Variants in DENND5B observed in about 807,000 individuals in gnomAD.
DENND5B encodes DENN domain-containing protein 5B.
In DENND5B, 34 loss-of-function variants were observed where a neutral mutation model predicts 140.6. The observed-to-expected ratio is 0.24, with a 90% CI of 0.18 to 0.32. The LOEUF (loss-of-function observed/expected upper bound fraction) is 0.32. Ranked by LOEUF, DENND5B falls within the 10% of genes least tolerant of loss-of-function variation. The probability of loss-of-function intolerance (pLI) is 1.00; values close to 1 mark genes in which losing one functional copy is unlikely to be tolerated. For synonymous variants in DENND5B, 551 were observed against 562.1 expected, an observed-to-expected ratio of 0.98 and a Z score of 0.28; for missense variants, 1,142 against 1,560.2, an observed-to-expected ratio of 0.73 and a Z score of 4.52.
chr12:31,392,428 C>A, intron 18 of DENND5B, 35 bp from the exon 19 acceptor site: 2 of 1,607,686 alleles, frequency 1.2e-6, no homozygotes, highest in Non-Finnish European at 8.5e-7. Flanking sequence ...AAAGAAAAAT[C>A]TCCTGCATCT....
rs1565539960 is a variant in DENND5B, at chr12:31,398,065, C to T, written c.3256+110G>A. On this transcript the variant is annotated intron_variant, in intron 17 of 20. Coordinates refer to ENST00000389082, the MANE Select transcript of DENND5B (RefSeq NM_144973.4). ...ATATTTATGAATTTTCCTCAACTTT[C>T]TTCTTTTTAAAATCTCCTCACTACA... The T allele has an allele frequency of 2.9e-6, 3 of 1,042,716 alleles. No homozygotes were observed. In the African/African-American group the frequency reaches 6.7e-5, roughly 23 times the overall value. The allele number at this position is 1,042,716 out of a possible 1,614,324, so 64.6% of individuals were successfully genotyped here.
At chr12:31,482,476 A>G (rs189502260) in intron 2 of DENND5B, among the ~76,000 whole-genome samples, 1 of 152,102 alleles carries the variant, frequency 6.6e-6, no homozygotes, top group East Asian at 1.9e-4. Flanking sequence ...GTCATCTTTA[A>G]CTTCTTCCTC....
rs1021221691 is a variant in DENND5B at position 31,392,071 on chromosome 12, G to A, written c.3466+196C>T. Among the ~76,000 whole-genome samples, 6 of 151,266 alleles carry A rather than the reference G, an allele frequency of 4.0e-5. No homozygotes were observed. The East Asian group carries it at 7.8e-4, about 20-fold the overall frequency. On this transcript the variant is annotated intron_variant, in intron 19 of 20. Transcript: ENST00000389082. Reference sequence around the variant, plus strand: ...GGAGAATCATTTGAACCTGGGAGGCGGAGGTTACAGTGAGCCAAGACCGCA... The same window carrying A: ...GGAGAATCATTTGAACCTGGGAGGCAGAGGTTACAGTGAGCCAAGACCGCA...
At chr12:31,538,514 A>G (rs1410240198) in intron 1 of DENND5B, among the ~76,000 whole-genome samples, 1 of 152,200 alleles carries the variant, frequency 6.6e-6, no homozygotes, top group African/African-American at 2.4e-5. Context: ...CTATTTAATG[A>G]TGTATATTAA....
At chr12:31,466,243 C>T (rs1565607294) in intron 3 of DENND5B, among the ~76,000 whole-genome samples, 1 of 151,828 alleles carries the variant, frequency 6.6e-6, no homozygotes, top group Non-Finnish European at 1.5e-5. Context: ...GTCCCAGCTA[C>T]TCGGGAGGCT....
intron 17 of DENND5B, among the ~76,000 whole-genome samples, chr12:31,394,304 T>C (rs1042805142): frequency 5.9e-5 from 9 of 152,120 alleles, no homozygotes; most frequent in Non-Finnish European, 1.2e-4. Context: ...AATACCGTTA[T>C]CCATTTCTGA....
At chr12:31,522,291 T>C (rs954406240) in intron 1 of DENND5B, among the ~76,000 whole-genome samples, 5 of 152,188 alleles carry the variant, frequency 3.3e-5, no homozygotes, top group African/African-American at 4.8e-5. Flanking sequence ...TGGAAACTTC[T>C]TAGGAAAGCA....
chr12:31,544,432 C>A (rs1344287556), intron 1 of DENND5B, among the ~76,000 whole-genome samples: 1 of 152,112 alleles, frequency 6.6e-6, no homozygotes, highest in Non-Finnish European at 1.5e-5. Flanking sequence ...CTGGCATGTG[C>A]CTCCACATCC....
At chr12:31,555,863 G>A (rs1022023387) in intron 1 of DENND5B, among the ~76,000 whole-genome samples, 7 of 152,184 alleles carry the variant, frequency 4.6e-5, no homozygotes, top group South Asian at 2.1e-4. Flanking sequence ...AGCCAGGTGC[G>A]GGATATAATC....
intron 20 of DENND5B, 131 bp from the exon 21 acceptor site, chr12:31,387,917 G>A: frequency 1.1e-6 from 1 of 890,762 alleles, no homozygotes; most frequent in South Asian, 2.1e-5. Context: ...TAAGAGGTCA[G>A]GAGAGAGGAA....
At chr12:31,534,885 C>G in intron 1 of DENND5B, 1 of 406,534 alleles carries the variant, frequency 2.5e-6, no homozygotes, top group Non-Finnish European at 4.8e-6. Context: ...TCTCCTTTCC[C>G]AGCAGCAAGA....
At chr12:31,399,427 C>A (rs573405245) in intron 16 of DENND5B, among the ~76,000 whole-genome samples, 1 of 151,564 alleles carries the variant, frequency 6.6e-6, no homozygotes. Context: ...TACAAGCGTA[C>A]ACCACCATGC....
intron 5 of DENND5B, 160 bp downstream of exon 5, chr12:31,451,780 T>C: frequency 1.2e-6 from 1 of 806,776 alleles, no homozygotes; most frequent in South Asian, 2.1e-5. Context: ...AGAAAAGTTC[T>C]TAATGGGGCT....
chr12:31,478,186 C>G (rs1450658227), intron 3 of DENND5B, among the ~76,000 whole-genome samples: 1 of 152,044 alleles, frequency 6.6e-6, no homozygotes, highest in Non-Finnish European at 1.5e-5. Context: ...TATCAAAGAA[C>G]ATTATGTTGG....
At chr12:31,508,962 G>A (rs1947308069) in intron 1 of DENND5B, among the ~76,000 whole-genome samples, 1 of 151,968 alleles carries the variant, frequency 6.6e-6, no homozygotes, top group South Asian at 2.1e-4. Context: ...GGGGCGAGGT[G>A]GAGCCATTTT....
intron 8 of DENND5B, among the ~76,000 whole-genome samples, chr12:31,427,225 T>C (rs1943280787): frequency 6.6e-6 from 1 of 152,164 alleles, no homozygotes; most frequent in African/African-American, 2.4e-5. Context: ...CTCTTGAGCT[T>C]TGGTTAGTGA....
chr12:31,568,357 T>C (rs1232243382), intron 1 of DENND5B, among the ~76,000 whole-genome samples: 1 of 152,204 alleles, frequency 6.6e-6, no homozygotes, highest in Admixed American at 6.5e-5. Flanking sequence ...TCTCAAATAT[T>C]TTGGATAAGG....
chr12:31,417,841 A>G (rs1167002587), intron 11 of DENND5B, among the ~76,000 whole-genome samples: 3 of 152,230 alleles, frequency 2.0e-5, no homozygotes, highest in Non-Finnish European at 4.4e-5. Context: ...CTATATAAGT[A>G]GAACTTAGAA....
intron 1 of DENND5B, among the ~76,000 whole-genome samples, chr12:31,517,656 A>G (rs1012250188): frequency 6.6e-6 from 1 of 152,230 alleles, no homozygotes; most frequent in African/African-American, 2.4e-5. Context: ...TTATAAGATG[A>G]TTAAGTCTCC....
Sources: gnomAD v4.1 joint callset for allele counts (sites outside exome capture counted in the v4.1 genomes callset) on GRCh38, gnomAD v4.1.1 for gene constraint, MANE v1.5 for transcripts, NCBI Gene and HGNC (gene_info 2026-07-23, HGNC 2026-07-21) for gene names.